Variants in NPY2R observed in about 807,000 individuals in gnomAD.
NPY2R encodes neuropeptide Y receptor type 2.
In NPY2R, 17 loss-of-function variants were observed where a neutral mutation model predicts 22.3. That is an observed-to-expected ratio of 0.76 (90% confidence interval 0.52 to 1.14). The LOEUF (loss-of-function observed/expected upper bound fraction) is 1.14. Among genes scored for constraint, NPY2R ranks in the 50% most tolerant of loss-of-function variants. The pLI is 0.00. For synonymous variants in NPY2R, 209 were observed against 183.4 expected (o/e 1.14, Z -1.13); for missense variants, 424 against 467.9 (o/e 0.91, Z 0.87).
the NPY2R span, among the ~76,000 whole-genome samples, chr4:155,180,598 A>T: frequency 6.6e-6 from 1 of 151,846 alleles, no homozygotes; most frequent in African/African-American, 2.4e-5. Flanking sequence ...CCTTCTGACT[A>T]TTTTTTTCTA....
At chr4:155,178,878 C>T in the NPY2R span, among the ~76,000 whole-genome samples, 1 of 152,310 alleles carries the variant, frequency 6.6e-6, no homozygotes, top group South Asian at 2.1e-4. Context: ...CCTTTTGGAA[C>T]TCCCATTGCC....
At chr4:155,183,856 C>T in the NPY2R span, among the ~76,000 whole-genome samples, 8 of 152,162 alleles carry the variant, frequency 5.3e-5, no homozygotes, top group Admixed American at 5.2e-4. Context: ...CCCTGCAAAA[C>T]ACTATACCCT....
At chr4:155,213,084 A>G (rs1457177676) in intron 1 of NPY2R, among the ~76,000 whole-genome samples, 2 of 152,198 alleles carry the variant, frequency 1.3e-5, no homozygotes. Context: ...AGCTGTGGGT[A>G]CACAAAAGCA....
chr4:155,178,217 A>G, the NPY2R span, among the ~76,000 whole-genome samples: 1 of 152,164 alleles, frequency 6.6e-6, no homozygotes, highest in Admixed American at 6.6e-5. Flanking sequence ...CTGTTTAAAA[A>G]CTACCAAGAT....
In NPY2R at chr4:155,214,363, A is replaced by G; in HGVS notation, c.424A>G (p.Thr142Ala). 2 of 1,614,116 alleles carry G rather than the reference A, an allele frequency of 1.2e-6. No homozygotes were observed. Among genetic ancestry groups the G allele is most frequent in the Non-Finnish European group, 1.7e-6 (2 of 1,180,022 alleles). The change falls in exon 2 of 2, where the codon ACA (threonine) becomes GCA (alanine). Residue 142 changes from threonine (T) to alanine (A), a missense_variant. Thr to Ala is a moderately conservative substitution (Grantham distance 58). Transcript: ENST00000329476. ...LAVQVSTITLTVIALDRHRCI... is the reference protein window; with the variant it reads ...LAVQVSTITLAVIALDRHRCI... ...AGTACAAGTATCCACAATCACCTTG[A>G]CAGTAATTGCCCTGGACCGGCACAG...
At chr4:155,188,600 A>G in the NPY2R span, among the ~76,000 whole-genome samples, 1 of 152,072 alleles carries the variant, frequency 6.6e-6, no homozygotes, top group East Asian at 1.9e-4. Context: ...TCCTCTTGCT[A>G]GCAGACTCTT....
the NPY2R span, among the ~76,000 whole-genome samples, chr4:155,174,441 T>A: frequency 2.1e-5 from 3 of 145,642 alleles, no homozygotes; most frequent in African/African-American, 7.7e-5. Context: ...CAAGGAAATT[T>A]GGCATATCAT....
At chr4:155,179,074 T>C in the NPY2R span, among the ~76,000 whole-genome samples, 2 of 152,170 alleles carry the variant, frequency 1.3e-5, no homozygotes, top group Admixed American at 6.6e-5. Context: ...TTATTTTTAG[T>C]ACTGTATTTT....
intron 1 of NPY2R, among the ~76,000 whole-genome samples, chr4:155,211,107 C>CT (rs1402782731): frequency 1.3e-5 from 2 of 152,132 alleles, no homozygotes; most frequent in Non-Finnish European, 2.9e-5. Context: ...TTATACTTTC[C>CT]ATTTGGCTGA....
the NPY2R span, among the ~76,000 whole-genome samples, chr4:155,187,551 T>TGA: frequency 6.5e-4 from 97 of 149,468 alleles, no homozygotes; most frequent in African/African-American, 1.8e-3. Flanking sequence ...AGGAGCAGCG[T>TGA]GAGAGAGAGA....
the NPY2R span, among the ~76,000 whole-genome samples, chr4:155,187,209 A>C: frequency 6.6e-6 from 1 of 152,194 alleles, no homozygotes; most frequent in Non-Finnish European, 1.5e-5. Flanking sequence ...AACGCACTAC[A>C]TCAGACCTCA....
At chr4:155,198,081 C>T in the NPY2R span, among the ~76,000 whole-genome samples, 42 of 152,038 alleles carry the variant, frequency 2.8e-4, no homozygotes, top group Admixed American at 4.6e-4. Context: ...TTCATACTGA[C>T]CCTGTGAAAT....
At chr4:155,175,590 T>G in the NPY2R span, among the ~76,000 whole-genome samples, 1 of 152,124 alleles carries the variant, frequency 6.6e-6, no homozygotes, top group Non-Finnish European at 1.5e-5. Context: ...TTAGTTGCAA[T>G]ATGCATATAA....
the NPY2R span, among the ~76,000 whole-genome samples, chr4:155,191,145 G>A: frequency 6.6e-6 from 1 of 151,824 alleles, no homozygotes; most frequent in African/African-American, 2.4e-5. Flanking sequence ...CAGAGAAGAG[G>A]CAGAATAGAA....
chr4:155,206,303 G>A (rs940602449), upstream of NPY2R, among the ~76,000 whole-genome samples: 10 of 152,186 alleles, frequency 6.6e-5, no homozygotes, highest in Non-Finnish European at 7.3e-5. Flanking sequence ...TGGATTAATC[G>A]ATATTTCACC....
intron 1 of NPY2R, among the ~76,000 whole-genome samples, chr4:155,213,635 G>A (rs552693423): frequency 3.3e-5 from 5 of 151,998 alleles, no homozygotes; most frequent in South Asian, 2.1e-4. Flanking sequence ...CTATACTATC[G>A]GTATTATACT....
At position 155,216,723 on chromosome 4, in the gene NPY2R, A is replaced by C. The variant is rs1168134679; in HGVS notation, c.*1638A>C. ...AACAATATGTTAGATTAGGTGTAAG[A>C]CTTTAAGAAGCGAACAAAAAGTAAT... On this transcript the variant is annotated 3_prime_UTR_variant, in exon 2 of 2. Coordinates refer to ENST00000329476, the MANE Select transcript of NPY2R (RefSeq NM_000910.4). The C allele has an allele frequency of 2.4e-5, 4 of 167,068 alleles. No individual in the cohort carries two copies. The highest frequency in any genetic ancestry group is 9.6e-5 in the African/African-American group (4 of 41,460). The allele number at this position is 167,068 out of a possible 1,614,324, so 10.3% of individuals were successfully genotyped here.
the NPY2R span, among the ~76,000 whole-genome samples, chr4:155,197,331 C>G: frequency 6.6e-6 from 1 of 151,772 alleles, no homozygotes; most frequent in African/African-American, 2.4e-5. Context: ...CTGAATAAAC[C>G]TAAGGTCACA....
the NPY2R span, among the ~76,000 whole-genome samples, chr4:155,177,602 C>T: frequency 5.3e-5 from 8 of 152,188 alleles, no homozygotes; most frequent in African/African-American, 1.9e-4. Context: ...AGGCATAGCC[C>T]TGCTCCCATG....
Sources: gnomAD v4.1 joint callset for allele counts (sites outside exome capture counted in the v4.1 genomes callset) on GRCh38, gnomAD v4.1.1 for gene constraint, MANE v1.5 for transcripts, NCBI Gene and HGNC (gene_info 2026-07-23, HGNC 2026-07-21) for gene names.